Variants in KCND2 observed in about 807,000 individuals in gnomAD.
The protein encoded by KCND2 is A-type voltage-gated potassium channel KCND2.
In KCND2, 16 loss-of-function variants were observed where a neutral mutation model predicts 54.4. The observed-to-expected ratio is 0.29, with a 90% CI of 0.20 to 0.45. The LOEUF (loss-of-function observed/expected upper bound fraction) is 0.45. KCND2 is among the 20% of genes least tolerant of loss of function. The pLI, the probability that KCND2 is intolerant of heterozygous loss-of-function variation, is 1.00. For missense variants in KCND2, 486 were observed against 824.2 expected (o/e 0.59, Z 5.02); for synonymous variants, 317 against 310.7 (o/e 1.02, Z -0.21).
intron 1 of KCND2, among the ~76,000 whole-genome samples, chr7:120,438,867 A>G (rs770294470): frequency 6.6e-6 from 1 of 152,138 alleles, no homozygotes; most frequent in Non-Finnish European, 1.5e-5. Flanking sequence ...TTAAGTTATA[A>G]ATCATGTTAT....
chr7:120,548,886 A>G (rs887995457), intron 1 of KCND2, among the ~76,000 whole-genome samples: 9 of 152,166 alleles, frequency 5.9e-5, no homozygotes, highest in African/African-American at 2.2e-4. Flanking sequence ...TGAGCATCAT[A>G]CAAAAGTGAG....
At chr7:120,340,575 T>G (rs1233447882) in intron 1 of KCND2, among the ~76,000 whole-genome samples, 1 of 152,214 alleles carries the variant, frequency 6.6e-6, no homozygotes, top group Non-Finnish European at 1.5e-5. Flanking sequence ...ACAATTAGTG[T>G]GGCGTCATGG....
At chr7:120,290,147 C>T (rs1044714675) in intron 1 of KCND2, among the ~76,000 whole-genome samples, 4 of 151,892 alleles carry the variant, frequency 2.6e-5, no homozygotes, top group Non-Finnish European at 4.4e-5. Context: ...ATTGCTTTGC[C>T]GATCATGGAT....
chr7:120,641,754 CTTTTTT>C (rs5886998), intron 1 of KCND2, among the ~76,000 whole-genome samples: 1 of 129,908 alleles, frequency 7.7e-6, no homozygotes, highest in African/African-American at 2.9e-5. Flanking sequence ...CAAGCATATT[CTTTTTT>C]TTTTTTTTTT....
chr7:120,289,627 C>T (rs1799406024), intron 1 of KCND2, among the ~76,000 whole-genome samples: 1 of 152,016 alleles, frequency 6.6e-6, no homozygotes, highest in Non-Finnish European at 1.5e-5. Context: ...TCTTGAGCCA[C>T]AAAATAAACA....
intron 1 of KCND2, among the ~76,000 whole-genome samples, chr7:120,405,240 G>A (rs979194213): frequency 3.3e-5 from 5 of 152,040 alleles, no homozygotes; most frequent in African/African-American, 7.2e-5. Flanking sequence ...TCCATCATTC[G>A]TCATTTTCAA....
intron 1 of KCND2, among the ~76,000 whole-genome samples, chr7:120,616,255 A>G (rs750003023): frequency 2.6e-5 from 4 of 152,178 alleles, no homozygotes; most frequent in Non-Finnish European, 5.9e-5. Context: ...ATTTTACCCC[A>G]CTGACCATTA....
chr7:120,275,690 A>G lies in KCND2; in HGVS notation c.1058A>G (p.Lys353Arg). ...GCAGAGAAGGGGTCTTCGGCTAGCAAGTTCACCAGCATCCCTGCAGCCTTC... is the reference window on the plus strand; with the variant it reads ...GCAGAGAAGGGGTCTTCGGCTAGCAGGTTCACCAGCATCCCTGCAGCCTTC... ...FYAEKGSSAS[K>R]FTSIPAAFWY... Residue 353 changes from lysine to arginine, a missense_variant, in exon 1 of 6, where the codon AAG becomes AGG. Lys to Arg is a conservative substitution (Grantham distance 26, BLOSUM62 2). Around this residue, in one of 7 missense-constraint regions of KCND2, gnomAD observed 23 missense variants for 33.7 expected, o/e 0.68. Transcript: ENST00000331113. 6.2e-7 allele frequency: 1 copy of G among 1,602,040 alleles called. No homozygotes were observed. The highest frequency in any genetic ancestry group is 1.1e-5 in the South Asian group (1 of 91,064).
intron 1 of KCND2, among the ~76,000 whole-genome samples, chr7:120,486,855 C>G (rs549631876): frequency 6.6e-6 from 1 of 151,838 alleles, no homozygotes; most frequent in South Asian, 2.1e-4. Context: ...TTGAGGAATA[C>G]TAGATGTTAA....
intron 1 of KCND2, among the ~76,000 whole-genome samples, chr7:120,453,542 C>CA (rs1255534848): frequency 6.6e-6 from 1 of 152,136 alleles, no homozygotes; most frequent in Non-Finnish European, 1.5e-5. Context: ...TTAGCAAATT[C>CA]AAAAAACCAA....
chr7:120,565,703 G>A (rs1197966972), intron 1 of KCND2, among the ~76,000 whole-genome samples: 1 of 152,170 alleles, frequency 6.6e-6, no homozygotes, highest in Non-Finnish European at 1.5e-5. Context: ...AGTGTCATGA[G>A]ACTTCTTTCT....
chr7:120,521,729 C>T (rs1791695547), intron 1 of KCND2, among the ~76,000 whole-genome samples: 1 of 152,068 alleles, frequency 6.6e-6, no homozygotes, highest in African/African-American at 2.4e-5. Flanking sequence ...TTTTCTCTTT[C>T]AATATGTTCC....
chr7:120,331,146 T>C (rs1800062542), intron 1 of KCND2, among the ~76,000 whole-genome samples: 1 of 152,176 alleles, frequency 6.6e-6, no homozygotes, highest in Non-Finnish European at 1.5e-5. Context: ...CATTTGAGAA[T>C]ATGTTTTTCC....
In KCND2 at chr7:120,692,816, C is replaced by T. The variant is rs927832827; in HGVS notation, c.1116-40087C>T. Among the ~76,000 whole-genome samples the T allele has an allele frequency of 1.4e-4, 21 of 152,282 alleles. 1 individual carries two copies. The highest frequency in any genetic ancestry group is 5.2e-4 in the Admixed American group (8 of 15,292). The stretch of plus-strand genomic sequence containing the variant: ...ATTTCACACTGTGAAGCTGCCTCAG[C>T]TCTACTCATTAAGATGAAACTCCTA... On this transcript the variant is annotated intron_variant, in intron 1 of 5. Coordinates refer to ENST00000331113, the MANE Select transcript of KCND2 (RefSeq NM_012281.3).
In KCND2 at chr7:120,279,173, G is replaced by A. The variant is rs114536763; in HGVS notation, c.1115+3426G>A. On this transcript the variant is annotated intron_variant, in intron 1 of 5. Coordinates refer to ENST00000331113, the MANE Select transcript of KCND2 (RefSeq NM_012281.3). ...TTCACCAATAATCAAAAACTATTTT[G>A]TAAAAATGTACTAGACAGTGTCAAG... 1.6e-3 allele frequency among the ~76,000 whole-genome samples: 242 copies of A among 151,962 alleles called. 1 individual carries two copies. Among genetic ancestry groups the A allele is most frequent in the African/African-American group, 5.6e-3 (234 of 41,486 alleles).
At chr7:120,584,319 T>G (rs1353925331) in intron 1 of KCND2, among the ~76,000 whole-genome samples, 2 of 152,244 alleles carry the variant, frequency 1.3e-5, no homozygotes, top group African/African-American at 2.4e-5. Context: ...TGGTTTTTAC[T>G]GATCATTTCT....
chr7:120,309,468 TATATATACACACAC>T (rs1405173425), intron 1 of KCND2, among the ~76,000 whole-genome samples: 4 of 123,288 alleles, frequency 3.2e-5, no homozygotes, highest in Non-Finnish European at 5.1e-5. Flanking sequence ...TATATATATA[TATATATACACACAC>T]ACACACACAC....
intron 1 of KCND2, among the ~76,000 whole-genome samples, chr7:120,356,278 T>G (rs1800503623): frequency 7.4e-5 from 2 of 27,146 alleles, no homozygotes; most frequent in East Asian, 0.021. Flanking sequence ...ATTACAACAT[T>G]TTTTACAAAG....
intron 1 of KCND2, among the ~76,000 whole-genome samples, chr7:120,441,417 T>C (rs1801943382): frequency 6.6e-6 from 1 of 152,126 alleles, no homozygotes; most frequent in African/African-American, 2.4e-5. Flanking sequence ...CTTACTCATT[T>C]AATTCTTCTG....
Sources: gnomAD v4.1 joint callset for allele counts (sites outside exome capture counted in the v4.1 genomes callset) on GRCh38, gnomAD v4.1.1 for gene constraint, gnomAD v4.1.1 regional missense constraint, MANE v1.5 for transcripts, NCBI Gene and HGNC (gene_info 2026-07-23, HGNC 2026-07-21) for gene names.